Variants in KCNT2 observed in about 807,000 individuals in gnomAD.
KCNT2 encodes the protein potassium sodium-activated channel subfamily T member 2, also known as potassium channel subfamily T member 2.
In KCNT2, 67 loss-of-function variants were observed where a neutral mutation model predicts 153.8. That is an observed-to-expected ratio of 0.44 (90% CI 0.36 to 0.53). KCNT2 has a LOEUF of 0.53. Ranked by LOEUF, KCNT2 falls within the 20% of genes least tolerant of loss-of-function variation. The pLI, the probability that KCNT2 is intolerant of heterozygous loss-of-function variation, is 0.00. For synonymous variants in KCNT2, 500 were observed against 458.8 expected (o/e 1.09, Z -1.15); for missense variants, 975 against 1,354.8 (o/e 0.72, Z 4.40).
At chr1:196,315,280 C>T (rs1179187382) in intron 21 of KCNT2, among the ~76,000 whole-genome samples, 1 of 151,578 alleles carries the variant, frequency 6.6e-6, no homozygotes, top group Non-Finnish European at 1.5e-5. Context: ...AAACAGATGC[C>T]TTGAATGACA....
chr1:196,525,721 A>G (rs1021386080), intron 1 of KCNT2, among the ~76,000 whole-genome samples: 1 of 152,238 alleles, frequency 6.6e-6, no homozygotes, highest in African/African-American at 2.4e-5. Flanking sequence ...CGAGGCTGAA[A>G]GCCAAAAAAG....
chr1:196,396,914 G>T (rs905060249), intron 13 of KCNT2, among the ~76,000 whole-genome samples: 2 of 151,264 alleles, frequency 1.3e-5, no homozygotes, highest in African/African-American at 4.8e-5. Flanking sequence ...AAGGGAGAAA[G>T]AACTGAAGCC....
intron 8 of KCNT2, among the ~76,000 whole-genome samples, chr1:196,431,490 A>G (rs1674143269): frequency 6.6e-6 from 1 of 152,090 alleles, no homozygotes; most frequent in Admixed American, 6.6e-5. Context: ...TGGGGGAAAT[A>G]CCGACGGTAA....
At chr1:196,468,808 C>A (rs994697698) in intron 6 of KCNT2, among the ~76,000 whole-genome samples, 186 bp downstream of exon 6, 1 of 151,998 alleles carries the variant, frequency 6.6e-6, no homozygotes, top group African/African-American at 2.4e-5. Context: ...TGTATGAAAT[C>A]ATTAGTTTCC....
At chr1:196,592,797 CAAT>C (rs919146220) in intron 1 of KCNT2, among the ~76,000 whole-genome samples, 27 of 147,036 alleles carry the variant, frequency 1.8e-4, no homozygotes, top group East Asian at 9.8e-4. Context: ...AGTCTATAGT[CAAT>C]AATAATTTAA....
intron 1 of KCNT2, among the ~76,000 whole-genome samples, chr1:196,521,692 A>G (rs767129869): frequency 7.2e-5 from 11 of 152,128 alleles, no homozygotes; most frequent in Non-Finnish European, 1.5e-4. Flanking sequence ...GCAAACCAAC[A>G]TAGAAACAGA....
chr1:196,444,167 C>T (rs1346745109), intron 8 of KCNT2, among the ~76,000 whole-genome samples: 1 of 151,000 alleles, frequency 6.6e-6, no homozygotes, highest in Non-Finnish European at 1.5e-5. Flanking sequence ...AGGTATGTAT[C>T]ACATGACCAC....
intron 26 of KCNT2, chr1:196,257,967 TG>T: frequency 8.5e-7 from 1 of 1,179,778 alleles, no homozygotes; most frequent in East Asian, 3.4e-5. Context: ...ATTCATGTAA[TG>T]GGTTTAGCAC....
At chr1:196,252,601 G>T (rs1313649804) in intron 26 of KCNT2, among the ~76,000 whole-genome samples, 1 of 151,438 alleles carries the variant, frequency 6.6e-6, no homozygotes, top group African/African-American at 2.4e-5. Flanking sequence ...ACCACACAAT[G>T]TTATAAACTT....
At chr1:196,395,837 C>A (rs973952018) in intron 13 of KCNT2, among the ~76,000 whole-genome samples, 13 of 151,494 alleles carry the variant, frequency 8.6e-5, no homozygotes, top group African/African-American at 3.1e-4. Flanking sequence ...ACCGAAGGAG[C>A]TATTTAAATA....
chr1:196,273,679 A>G (rs1434051227), intron 25 of KCNT2, among the ~76,000 whole-genome samples: 1 of 151,810 alleles, frequency 6.6e-6, no homozygotes, highest in Non-Finnish European at 1.5e-5. Flanking sequence ...TTATTTTTAA[A>G]GATTCAGTCT....
At chr1:196,542,193 G>T (rs1235186514) in intron 1 of KCNT2, among the ~76,000 whole-genome samples, 2 of 152,120 alleles carry the variant, frequency 1.3e-5, no homozygotes, top group Non-Finnish European at 2.9e-5. Context: ...TCCGCCGAAA[G>T]TCTAGTAAGA....
chr1:196,584,587 G>T (rs1015883562), intron 1 of KCNT2, among the ~76,000 whole-genome samples: 2 of 152,106 alleles, frequency 1.3e-5, no homozygotes, highest in Non-Finnish European at 2.9e-5. Context: ...AGAGTATGAG[G>T]ATGAGACAGA....
At chr1:196,237,219 A>C (rs748184359) in intron 26 of KCNT2, among the ~76,000 whole-genome samples, 13 of 151,758 alleles carry the variant, frequency 8.6e-5, no homozygotes, top group Non-Finnish European at 1.5e-4. Flanking sequence ...TCATAAAATA[A>C]TGTTGACTAC....
intron 1 of KCNT2, among the ~76,000 whole-genome samples, chr1:196,528,505 T>C (rs1219516837): frequency 6.6e-6 from 1 of 152,174 alleles, no homozygotes; most frequent in Non-Finnish European, 1.5e-5. Flanking sequence ...TCCGATGATA[T>C]CTAAGCCAAA....
intron 14 of KCNT2, among the ~76,000 whole-genome samples, chr1:196,354,250 G>T (rs1369623837): frequency 6.6e-6 from 1 of 151,634 alleles, no homozygotes. Context: ...CTCTTTCACA[G>T]CATTGTTTTA....
At chr1:196,550,366 C>T (rs1472683465) in intron 1 of KCNT2, among the ~76,000 whole-genome samples, 2 of 151,830 alleles carry the variant, frequency 1.3e-5, no homozygotes, top group Non-Finnish European at 2.9e-5. Flanking sequence ...CTTCAAGCAC[C>T]ATGTGTAAGA....
intron 22 of KCNT2, among the ~76,000 whole-genome samples, chr1:196,297,252 C>T (rs11804991): frequency 0.26 from 39,893 of 151,896 alleles, 7,310 homozygotes; most frequent in African/African-American, 0.52. Flanking sequence ...TGATTAACTT[C>T]ATAAAATTAC....
chr1:196,379,654 A>T (rs1239516374), intron 13 of KCNT2, among the ~76,000 whole-genome samples: 1 of 151,558 alleles, frequency 6.6e-6, no homozygotes, highest in African/African-American at 2.4e-5. Context: ...ATGTACATGC[A>T]TCTTATCTTG....
Sources: gnomAD v4.1 joint callset for allele counts (sites outside exome capture counted in the v4.1 genomes callset) on GRCh38, gnomAD v4.1.1 for gene constraint, MANE v1.5 for transcripts, NCBI Gene and HGNC (gene_info 2026-07-23, HGNC 2026-07-21) for gene names.